The following UBXN7 variants were observed in gnomAD, a reference collection of about 807,000 sequenced individuals.
UBXN7 encodes the protein UBX domain-containing protein 7.
Under a neutral mutation model 58.0 loss-of-function variants are expected in UBXN7, and 9 were observed. The observed-to-expected ratio is 0.16, with a 90% confidence interval of 0.09 to 0.27. UBXN7 has a LOEUF of 0.27. Ranked by LOEUF, UBXN7 falls within the 10% of genes least tolerant of loss-of-function variation. The pLI, the probability that UBXN7 is intolerant of heterozygous loss-of-function variation, is 1.00. For synonymous variants in UBXN7, 208 were observed against 205.0 expected (o/e 1.01, Z -0.12); for missense variants, 328 against 599.6 (o/e 0.55, Z 4.73).
intron 1 of UBXN7, among the ~76,000 whole-genome samples, chr3:196,424,702 C>T (rs1270344780): frequency 7.6e-6 from 1 of 131,532 alleles, no homozygotes; most frequent in African/African-American, 2.8e-5. Context: ...ATTTTTATAA[C>T]CTTTTTTTTT....
chr3:196,369,069 C>T (rs1416929939), intron 7 of UBXN7, among the ~76,000 whole-genome samples: 1 of 152,102 alleles, frequency 6.6e-6, no homozygotes, highest in Non-Finnish European at 1.5e-5. Context: ...CATGATCCGC[C>T]CACCTCGGCC....
intron 3 of UBXN7, among the ~76,000 whole-genome samples, chr3:196,398,699 T>A (rs547020743): frequency 6.6e-6 from 1 of 152,200 alleles, no homozygotes; most frequent in Non-Finnish European, 1.5e-5. Context: ...AGTGGTGCAA[T>A]CATGGCTCAT....
At chr3:196,383,248 A>C (rs1366324938) in intron 5 of UBXN7, among the ~76,000 whole-genome samples, 1 of 152,248 alleles carries the variant, frequency 6.6e-6, no homozygotes, top group Non-Finnish European at 1.5e-5. Flanking sequence ...TCAATTCAAC[A>C]AGAAGAGCTA....
intron 5 of UBXN7, among the ~76,000 whole-genome samples, chr3:196,375,040 A>AAGGAAGGAAGGAAGGG (rs1356697769): frequency 0.026 from 3,465 of 133,130 alleles, 178 homozygotes; most frequent in Middle Eastern, 0.056. Flanking sequence ...GGAAGGAAGG[A>AAGGAAGGAAGGAAGGG]AGGGAAAGGA....
At chr3:196,380,031 C>T (rs756903366) in intron 5 of UBXN7, among the ~76,000 whole-genome samples, 20 of 152,140 alleles carry the variant, frequency 1.3e-4, no homozygotes, top group South Asian at 4.1e-4. Context: ...GGGTGGATCA[C>T]GAGGTCAGGA....
At chr3:196,391,948 T>C (rs1729594494) in intron 4 of UBXN7, 23 bp from the exon 5 acceptor site, 1 of 1,470,480 alleles carries the variant, frequency 6.8e-7, no homozygotes, top group Middle Eastern at 1.8e-4. Context: ...AGGATGAAAG[T>C]TTCAGTTAGC....
At chr3:196,420,556 T>C (rs1395241544) in intron 1 of UBXN7, among the ~76,000 whole-genome samples, 2 of 151,766 alleles carry the variant, frequency 1.3e-5, no homozygotes, top group Non-Finnish European at 1.5e-5. Flanking sequence ...TTAAATTAAA[T>C]TAAAAAACGG....
At chr3:196,415,916 C>T (rs1343099046) in intron 1 of UBXN7, among the ~76,000 whole-genome samples, 2 of 152,164 alleles carry the variant, frequency 1.3e-5, no homozygotes, top group Non-Finnish European at 2.9e-5. Flanking sequence ...TTAACATCTG[C>T]GTCCCAATGA....
intron 1 of UBXN7, among the ~76,000 whole-genome samples, chr3:196,408,057 C>T (rs1730214985): frequency 7.1e-6 from 1 of 140,572 alleles, no homozygotes. Flanking sequence ...GAAGTCACGC[C>T]ACTGCACTCC....
intron 1 of UBXN7, among the ~76,000 whole-genome samples, chr3:196,424,136 C>A (rs1377220376): frequency 6.6e-6 from 1 of 152,090 alleles, no homozygotes; most frequent in Non-Finnish European, 1.5e-5. Context: ...TGTGATCCAC[C>A]TGCCTCAACC....
In UBXN7 at chr3:196,417,724, TAAAAAAAAAAAAA is replaced by T. The variant is rs749981900; in HGVS notation, c.74-10344_74-10332del. 6.3e-4 allele frequency among the ~76,000 whole-genome samples: 20 copies of T among 31,688 alleles called. No homozygotes were observed. The East Asian group carries it at 8.7e-3, about 14-fold the overall frequency. 20.8% of individuals were successfully genotyped at this position (31,688 alleles called of 152,430 possible). On this transcript the variant is annotated intron_variant, in intron 1 of 10. Coordinates refer to ENST00000296328, the MANE Select transcript of UBXN7 (RefSeq NM_015562.2). ...TTGAGACCAGTCTGGGCAAAATGGTTAAAAAAAAAAAAAAAAAAAAAAAAAAAAAAAAACCATC... is the reference window on the plus strand; with the variant it reads ...TTGAGACCAGTCTGGGCAAAATGGTTAAAAAAAAAAAAAAAAAAAACCATC...
At chr3:196,365,779 A>C (rs1728647130) in intron 8 of UBXN7, among the ~76,000 whole-genome samples, 1 of 152,220 alleles carries the variant, frequency 6.6e-6, no homozygotes, top group Non-Finnish European at 1.5e-5. Flanking sequence ...TTATCCAAGA[A>C]GAAACAGATA....
At chr3:196,369,570 CCTT>C in intron 6 of UBXN7, 59 bp from the exon 7 acceptor site, 1 of 1,234,894 alleles carries the variant, frequency 8.1e-7, no homozygotes, top group Non-Finnish European at 1.2e-6. Flanking sequence ...CCAACTATAA[CCTT>C]CTTATACACC....
intron 1 of UBXN7, chr3:196,431,931 C>T (rs757962798): frequency 2.6e-6 from 1 of 389,068 alleles, no homozygotes; most frequent in South Asian, 2.1e-5. Context: ...AGGAGATGCA[C>T]CGCACCGCAG....
Position 196,348,202 on chromosome 3 carries a change from CTT to C in UBXN7, c.*8481_*8482del, listed in dbSNP as rs1162897637. On this transcript the variant is annotated 3_prime_UTR_variant, in exon 11 of 11. Transcript: ENST00000296328. Reference sequence around the variant, plus strand: ...GCTTTCCCAAGCACCTTTATTATGACTTACTAGATATACAGGAGGGTCTCTAA... The same window carrying C: ...GCTTTCCCAAGCACCTTTATTATGACACTAGATATACAGGAGGGTCTCTAA... 4 of 152,006 alleles carry C rather than the reference CTT, an allele frequency of 2.6e-5. No homozygotes were observed. Among genetic ancestry groups the C allele is most frequent in the Non-Finnish European group, 5.9e-5 (4 of 68,004 alleles). The allele number at this position is 152,006 out of a possible 1,614,324, so 9.4% of individuals were successfully genotyped here.
At chr3:196,426,192 T>A (rs1049870792) in intron 1 of UBXN7, among the ~76,000 whole-genome samples, 1 of 151,916 alleles carries the variant, frequency 6.6e-6, no homozygotes, top group Non-Finnish European at 1.5e-5. Context: ...GAGACCAGCC[T>A]CGCCAACAAG....
At chr3:196,395,453 A>AC (rs1011464934) in intron 3 of UBXN7, among the ~76,000 whole-genome samples, 2 of 150,728 alleles carry the variant, frequency 1.3e-5, no homozygotes, top group African/African-American at 4.9e-5. Context: ...GTTTTATTTT[A>AC]TTTTTTTTTG....
chr3:196,399,238 T>C (rs951584085), intron 3 of UBXN7, among the ~76,000 whole-genome samples: 1 of 152,248 alleles, frequency 6.6e-6, no homozygotes, highest in Admixed American at 6.5e-5. Flanking sequence ...AGGATCAGGA[T>C]TTAATGAAAT....
At chr3:196,374,352 G>A (rs1260430602) in intron 5 of UBXN7, among the ~76,000 whole-genome samples, 2 of 151,338 alleles carry the variant, frequency 1.3e-5, no homozygotes, top group Non-Finnish European at 2.9e-5. Context: ...AACAAATACT[G>A]AGTACCTATC....
Sources: gnomAD v4.1 joint callset for allele counts (sites outside exome capture counted in the v4.1 genomes callset) on GRCh38, gnomAD v4.1.1 for gene constraint, MANE v1.5 for transcripts, NCBI Gene and HGNC (gene_info 2026-07-23, HGNC 2026-07-21) for gene names.